The following KATNAL1 variants were observed in gnomAD, a reference collection of about 807,000 sequenced individuals.
KATNAL1 encodes the protein katanin p60 ATPase-containing subunit A-like 1.
KATNAL1 carries 32 observed loss-of-function variants against 55.2 expected under a neutral mutation model. That is an observed-to-expected ratio of 0.58 (90% CI 0.44 to 0.78). The LOEUF (loss-of-function observed/expected upper bound fraction) is 0.78. KATNAL1 is among the 30% of genes least tolerant of loss of function. KATNAL1 has a pLI of 0.00. For synonymous variants in KATNAL1, 193 were observed against 193.6 expected (o/e 1.00, Z 0.02); for missense variants, 466 against 600.9 (o/e 0.78, Z 2.35).
intron 3 of KATNAL1, among the ~76,000 whole-genome samples, chr13:30,268,459 T>C (rs1053483861): frequency 6.6e-6 from 1 of 152,100 alleles, no homozygotes; most frequent in Non-Finnish European, 1.5e-5. Context: ...TAAAAATAAA[T>C]CTACATTTAA....
intron 4 of KATNAL1, among the ~76,000 whole-genome samples, chr13:30,243,143 T>G (rs1877439380): frequency 6.6e-6 from 1 of 152,212 alleles, no homozygotes; most frequent in Non-Finnish European, 1.5e-5. Flanking sequence ...TAGCAAGAAT[T>G]TGATTTTTAG....
chr13:30,255,477 C>T lies in KATNAL1; in HGVS notation c.462G>A (p.Lys154=). 3 of 1,592,758 alleles carry T rather than the reference C, an allele frequency of 1.9e-6. No homozygotes were observed. The highest frequency in any genetic ancestry group is 1.1e-5 in the South Asian group (1 of 88,726). The change falls in exon 4 of 11, where the codon AAG becomes AAA. Residue 154 remains lysine (K), a synonymous_variant. Transcript: ENST00000380615. ...CATCTCTCCCTCTTGCTCTATAGTC[C>T]TTGTCCCTACTTGTAGAAGGCTTTT... The part of the protein sequence containing the change: ...KSEKPSTSRD[K]DYRARGRDDK...
chr13:30,253,831 A>C (rs1878558117), intron 4 of KATNAL1, among the ~76,000 whole-genome samples: 2 of 152,186 alleles, frequency 1.3e-5, no homozygotes, highest in South Asian at 4.1e-4. Flanking sequence ...GAACTACATA[A>C]CATGAAAAAT....
intron 9 of KATNAL1, among the ~76,000 whole-genome samples, chr13:30,214,344 T>G (rs1477755861): frequency 1.3e-5 from 2 of 151,820 alleles, no homozygotes; most frequent in Non-Finnish European, 2.9e-5. Context: ...ATGGCCATAC[T>G]GCCCAAGGTA....
In KATNAL1 at chr13:30,203,316, A is replaced by G. The variant is rs180848896; in HGVS notation, c.*5224T>C. 5 of 152,356 alleles carry G rather than the reference A, an allele frequency of 3.3e-5. No homozygotes were observed. The highest frequency in any genetic ancestry group is 6.5e-5 in the Admixed American group (1 of 15,300). The allele number at this position is 152,356 out of a possible 1,614,324, so 9.4% of individuals were successfully genotyped here. On this transcript the variant is annotated 3_prime_UTR_variant, in exon 11 of 11. Coordinates refer to ENST00000380615, the MANE Select transcript of KATNAL1 (RefSeq NM_032116.5). The stretch of plus-strand genomic sequence containing the variant: ...CAGCAGGAGGGAAGGATGTGCTTAA[A>G]AGAAACAAATCTGCATAGATGATGA...
intron 3 of KATNAL1, among the ~76,000 whole-genome samples, chr13:30,258,378 G>C (rs74043068): frequency 0.08 from 12,224 of 152,214 alleles, 492 homozygotes; most frequent in Admixed American, 0.092. Flanking sequence ...CTAGATACGA[G>C]TCCTATGTCA....
At chr13:30,273,152 T>C (rs900182436) in intron 3 of KATNAL1, among the ~76,000 whole-genome samples, 2 of 152,192 alleles carry the variant, frequency 1.3e-5, no homozygotes, top group African/African-American at 4.8e-5. Flanking sequence ...CACACAAACA[T>C]CCTGTTATTC....
intron 3 of KATNAL1, among the ~76,000 whole-genome samples, chr13:30,268,599 T>C (rs1879968368): frequency 6.6e-6 from 1 of 152,120 alleles, no homozygotes; most frequent in African/African-American, 2.4e-5. Context: ...CTATTACTAA[T>C]GTCATCTTCA....
Position 30,288,169 on chromosome 13 carries a change from T to G in KATNAL1, c.-14-4378A>C, listed in dbSNP as rs1881915691. 2.0e-5 allele frequency among the ~76,000 whole-genome samples: 3 copies of G among 152,192 alleles called. No homozygotes were observed. In the South Asian group the frequency reaches 6.2e-4, roughly 32 times the overall value. On this transcript the variant is annotated intron_variant, in intron 1 of 10. Coordinates refer to ENST00000380615, the MANE Select transcript of KATNAL1 (RefSeq NM_032116.5). ...ATACAATACATTTCATGTTTGAAAA[T>G]GTCTACTTTTCAAAGTAGGTTAGGT...
At chr13:30,269,293 G>A (rs1318152013) in intron 3 of KATNAL1, among the ~76,000 whole-genome samples, 1 of 152,206 alleles carries the variant, frequency 6.6e-6, no homozygotes, top group Non-Finnish European at 1.5e-5. Flanking sequence ...TGTGTTGGCC[G>A]GGCTGGTCTC....
intron 1 of KATNAL1, among the ~76,000 whole-genome samples, chr13:30,294,179 T>C (rs190306745): frequency 3.3e-4 from 50 of 152,286 alleles, no homozygotes; most frequent in Admixed American, 5.9e-4. Flanking sequence ...GTCTCTCACT[T>C]GAAATCAAGG....
chr13:30,227,631 T>A, intron 8 of KATNAL1, 85 bp from the exon 9 acceptor site: 1 of 1,462,196 alleles, frequency 6.8e-7, no homozygotes, highest in East Asian at 2.3e-5. Flanking sequence ...TTAGCCAAAG[T>A]GGCAGAATCA....
intron 1 of KATNAL1, among the ~76,000 whole-genome samples, chr13:30,292,864 G>T (rs372398928): frequency 2.0e-5 from 3 of 152,096 alleles, no homozygotes; most frequent in Admixed American, 6.5e-5. Context: ...TTTTCCTTGA[G>T]AATTTTTATG....
At chr13:30,248,907 A>G (rs192706325) in intron 4 of KATNAL1, among the ~76,000 whole-genome samples, 1 of 152,292 alleles carries the variant, frequency 6.6e-6, no homozygotes, top group East Asian at 1.9e-4. Flanking sequence ...AAAATACAAA[A>G]AATTAGCCGG....
intron 3 of KATNAL1, among the ~76,000 whole-genome samples, chr13:30,278,841 T>C (rs9579551): frequency 0.21 from 32,274 of 152,104 alleles, 3,713 homozygotes; most frequent in East Asian, 0.3. Context: ...CTTAAAACAC[T>C]GCCTTTTGAG....
At chr13:30,282,231 T>C (rs887999957) in intron 2 of KATNAL1, among the ~76,000 whole-genome samples, 6 of 152,186 alleles carry the variant, frequency 3.9e-5, no homozygotes, top group African/African-American at 1.4e-4. Context: ...AATATAGTAA[T>C]GTTTTTTATT....
intron 1 of KATNAL1, among the ~76,000 whole-genome samples, chr13:30,298,417 T>C (rs989472509): frequency 1.3e-4 from 20 of 152,264 alleles, no homozygotes; most frequent in African/African-American, 4.6e-4. Context: ...CAGTTCTCCA[T>C]AGCGCACTTC....
chr13:30,216,737 G>A (rs950921568), intron 9 of KATNAL1, among the ~76,000 whole-genome samples: 5 of 152,242 alleles, frequency 3.3e-5, no homozygotes, highest in African/African-American at 4.8e-5. Context: ...TACCGATACA[G>A]AAGGCTGATG....
intron 4 of KATNAL1, among the ~76,000 whole-genome samples, chr13:30,253,733 A>G (rs555893181): frequency 6.6e-6 from 1 of 152,222 alleles, no homozygotes; most frequent in South Asian, 2.1e-4. Context: ...TCTTTGCTTA[A>G]GAGTCACATT....
Sources: allele counts gnomAD v4.1 joint callset (sites outside exome capture counted in the v4.1 genomes callset), GRCh38; gene constraint gnomAD v4.1.1; transcripts MANE v1.5; gene names NCBI Gene and HGNC (gene_info 2026-07-23, HGNC 2026-07-21).